The following BCKDHB variants were observed in gnomAD, a reference collection of about 807,000 sequenced individuals.
The protein encoded by BCKDHB is branched chain keto acid dehydrogenase E1 subunit beta.
BCKDHB carries 41 observed loss-of-function variants against 48.5 expected under a neutral mutation model. That is an observed-to-expected ratio of 0.85 (90% CI 0.66 to 1.10). BCKDHB has a LOEUF of 1.10. BCKDHB is among the 50% of genes least tolerant of loss of function. The probability of loss-of-function intolerance (pLI) is 0.00; values close to 1 mark genes in which losing one functional copy is unlikely to be tolerated. For synonymous variants in BCKDHB, 201 were observed against 174.8 expected (o/e 1.15, Z -1.18); for missense variants, 496 against 494.2 (o/e 1.00, Z -0.03).
At chr6:80,234,358 T>G (rs1776057880) in intron 8 of BCKDHB, among the ~76,000 whole-genome samples, 1 of 152,200 alleles carries the variant, frequency 6.6e-6, no homozygotes, top group Non-Finnish European at 1.5e-5. Flanking sequence ...AGACTTAACT[T>G]TTTCTTGGCT....
intron 3 of BCKDHB, among the ~76,000 whole-genome samples, chr6:80,150,341 A>G (rs531114710): frequency 1.3e-5 from 2 of 152,232 alleles, no homozygotes; most frequent in African/African-American, 2.4e-5. Flanking sequence ...CGATGCCCAT[A>G]ATAGTGCCAA....
intron 9 of BCKDHB, among the ~76,000 whole-genome samples, chr6:80,329,561 C>T (rs910563845): frequency 2.6e-5 from 4 of 152,148 alleles, no homozygotes; most frequent in Non-Finnish European, 4.4e-5. Context: ...ACTGTGGTTG[C>T]ATCTGGTTGT....
chr6:80,162,212 A>C (rs1173498016), intron 3 of BCKDHB, among the ~76,000 whole-genome samples: 1 of 151,982 alleles, frequency 6.6e-6, no homozygotes, highest in African/African-American at 2.4e-5. Flanking sequence ...CCCTCCTCAA[A>C]ACAGCTTCTC....
chr6:80,229,212 T>G (rs1026347041), intron 8 of BCKDHB, among the ~76,000 whole-genome samples: 1 of 152,150 alleles, frequency 6.6e-6, no homozygotes, highest in Non-Finnish European at 1.5e-5. Flanking sequence ...TAAACAGATA[T>G]ACTAATACAT....
chr6:80,273,034 A>G, intron 8 of BCKDHB, 101 bp from the exon 9 acceptor site: 1 of 869,650 alleles, frequency 1.1e-6, no homozygotes, highest in Non-Finnish European at 1.9e-6. Context: ...TACACTATTT[A>G]TTGAATGTAT....
chr6:80,146,116 C>T (rs1771474553), intron 3 of BCKDHB, among the ~76,000 whole-genome samples: 1 of 152,102 alleles, frequency 6.6e-6, no homozygotes, highest in South Asian at 2.1e-4. Flanking sequence ...TTAGGAGTTA[C>T]TGGTATGGAA....
the BCKDHB span, among the ~76,000 whole-genome samples, chr6:80,369,962 TTCTC>T: frequency 1.3e-5 from 2 of 152,336 alleles, no homozygotes; most frequent in African/African-American, 2.4e-5. Context: ...AATTTTGAGT[TTCTC>T]TCTTACTATT....
chr6:80,285,564 C>T (rs890037642), intron 9 of BCKDHB, among the ~76,000 whole-genome samples: 1 of 152,106 alleles, frequency 6.6e-6, no homozygotes, highest in African/African-American at 2.4e-5. Flanking sequence ...TCCTTTCTGC[C>T]TGCCCTCTTG....
chr6:80,266,705 C>T (rs538530704), intron 8 of BCKDHB, among the ~76,000 whole-genome samples: 1 of 152,028 alleles, frequency 6.6e-6, no homozygotes, highest in African/African-American at 2.4e-5. Flanking sequence ...ACAATTAGAA[C>T]GATTAGAGCT....
At chr6:80,428,614 A>T in the BCKDHB span, among the ~76,000 whole-genome samples, 7 of 152,138 alleles carry the variant, frequency 4.6e-5, no homozygotes, top group Non-Finnish European at 1.5e-5. Context: ...GCATTTCTCT[A>T]ATGACCAGTG....
chr6:80,466,395 T>A, the BCKDHB span, among the ~76,000 whole-genome samples: 1 of 152,190 alleles, frequency 6.6e-6, no homozygotes, highest in Non-Finnish European at 1.5e-5. Context: ...AGTTAGGGAT[T>A]TTTAGACATT....
In BCKDHB at chr6:80,345,198, G is replaced by A. The variant is rs1770140777; in HGVS notation, c.*1394G>A. ...AGCTTTTCAGAGTTTTAATATAGAA[G>A]TTACTAGCACTGACACACTGATTTT... is the stretch of plus-strand genomic sequence containing the variant. On this transcript the variant is annotated 3_prime_UTR_variant, in exon 10 of 10. Transcript: ENST00000320393. The A allele has an allele frequency of 1.3e-5, 2 of 152,094 alleles. No homozygotes were observed. The highest frequency in any genetic ancestry group is 4.8e-5 in the African/African-American group (2 of 41,390). 9.4% of individuals were successfully genotyped at this position (152,094 alleles called of 1,614,324 possible). A position where few individuals can be genotyped will look rare whatever the true frequency, so the allele number is the denominator to read the frequency against.
At chr6:80,148,838 A>G (rs891126510) in intron 3 of BCKDHB, among the ~76,000 whole-genome samples, 4 of 152,234 alleles carry the variant, frequency 2.6e-5, no homozygotes, top group Admixed American at 6.5e-5. Flanking sequence ...TTAAAGACTT[A>G]AATGTTAGAC....
chr6:80,148,342 C>T (rs556128980), intron 3 of BCKDHB, among the ~76,000 whole-genome samples: 9 of 152,206 alleles, frequency 5.9e-5, no homozygotes, highest in Non-Finnish European at 1.2e-4. Context: ...TTATTAGTTT[C>T]AGATCAGTGT....
At chr6:80,454,479 C>T in the BCKDHB span, among the ~76,000 whole-genome samples, 1 of 148,558 alleles carries the variant, frequency 6.7e-6, no homozygotes, top group Admixed American at 6.7e-5. Context: ...TGACCCACTA[C>T]ACTCTTGAGG....
chr6:80,122,495 TAAAG>T (rs1770082583), intron 1 of BCKDHB, among the ~76,000 whole-genome samples: 1 of 152,100 alleles, frequency 6.6e-6, no homozygotes, highest in Admixed American at 6.5e-5. Context: ...GGCTGAGAAA[TAAAG>T]AGAAAGAGTA....
At position 80,231,445 on chromosome 6, in the gene BCKDHB, A is replaced by G. The variant is rs138463573; in HGVS notation, c.951+28233A>G. Among the ~76,000 whole-genome samples the G allele has an allele frequency of 2.1e-3, 314 of 152,366 alleles. 5 individuals carry two copies. Among genetic ancestry groups the G allele is most frequent in the Non-Finnish European group, 3.5e-3 (236 of 68,038 alleles). ...TCTGTGAAAAATATTTGCAACACAT[A>G]TAACAGAAAAAGGGCTATTTTCTTT... On this transcript the variant is annotated intron_variant, in intron 8 of 9. Transcript: ENST00000320393.
chr6:80,332,201 A>T (rs188392180), intron 9 of BCKDHB, among the ~76,000 whole-genome samples: 371 of 152,178 alleles, frequency 2.4e-3, no homozygotes, highest in African/African-American at 8.1e-3. Flanking sequence ...ACAGCTCTTT[A>T]ATAAACACCC....
the BCKDHB span, among the ~76,000 whole-genome samples, chr6:80,446,362 A>G: frequency 6.6e-6 from 1 of 152,192 alleles, no homozygotes; most frequent in Non-Finnish European, 1.5e-5. Context: ...GGATAATTGG[A>G]CTGCTCCAGC....
Sources: allele counts gnomAD v4.1 joint callset (sites outside exome capture counted in the v4.1 genomes callset), GRCh38; gene constraint gnomAD v4.1.1; transcripts MANE v1.5; gene names NCBI Gene and HGNC (gene_info 2026-07-23, HGNC 2026-07-21).